Variants in DPF3 observed in about 807,000 individuals in gnomAD.
DPF3 encodes the protein zinc finger protein DPF3.
DPF3 carries 18 observed loss-of-function variants against 56.8 expected under a neutral mutation model. That is an observed-to-expected ratio of 0.32 (90% CI 0.22 to 0.47). The LOEUF is 0.47. Among genes scored for constraint, DPF3 ranks in the 20% least tolerant of loss-of-function variants. DPF3 has a pLI of 1.00. For synonymous variants in DPF3, 188 were observed against 180.2 expected (o/e 1.04, Z -0.35); for missense variants, 403 against 488.8 (o/e 0.82, Z 1.65).
intron 8 of DPF3, chr14:72,671,077 G>A (rs749195540): frequency 1.6e-4 from 252 of 1,590,910 alleles, no homozygotes; most frequent in Non-Finnish European, 2.0e-4. Flanking sequence ...ATCAGAACCA[G>A]CACAATGACC....
At chr14:72,661,623 G>A (rs535965663) in intron 8 of DPF3, 50 of 985,354 alleles carry the variant, frequency 5.1e-5, no homozygotes, top group Non-Finnish European at 5.1e-5. Context: ...GCCCACTTCC[G>A]CCAGCTCAGC....
intron 1 of DPF3, among the ~76,000 whole-genome samples, chr14:72,890,283 G>A (rs1003417504): frequency 2.0e-5 from 3 of 152,064 alleles, no homozygotes; most frequent in African/African-American, 4.8e-5. Flanking sequence ...TTGAGGCCAC[G>A]AGTTTGAGAC....
intron 8 of DPF3, among the ~76,000 whole-genome samples, chr14:72,648,729 C>T (rs926502983): frequency 1.3e-5 from 2 of 152,122 alleles, no homozygotes; most frequent in Non-Finnish European, 2.9e-5. Flanking sequence ...ATCCCTACCT[C>T]TCACCCTGAG....
chr14:72,702,039 A>T (rs575791715), intron 6 of DPF3, among the ~76,000 whole-genome samples: 12 of 152,312 alleles, frequency 7.9e-5, no homozygotes, highest in African/African-American at 2.9e-4. Context: ...CATTCCACAG[A>T]TGAAGAAACT....
intron 1 of DPF3, among the ~76,000 whole-genome samples, chr14:72,884,860 G>T (rs1304026425): frequency 6.8e-6 from 1 of 146,504 alleles, no homozygotes. Flanking sequence ...ACTTTGGGAG[G>T]CCGAGGCGGG....
At chr14:72,660,525 G>A (rs570363710) in intron 8 of DPF3, among the ~76,000 whole-genome samples, 22 of 152,282 alleles carry the variant, frequency 1.4e-4, no homozygotes, top group African/African-American at 4.6e-4. Context: ...CTACCCCGGG[G>A]GTTCCAGCTG....
chr14:72,636,465 G>A (rs570149673), intron 8 of DPF3, among the ~76,000 whole-genome samples: 8 of 151,682 alleles, frequency 5.3e-5, no homozygotes, highest in South Asian at 2.1e-4. Flanking sequence ...TCCCTCTTCT[G>A]TCTCTCTCTC....
intron 7 of DPF3, among the ~76,000 whole-genome samples, chr14:72,681,230 G>A (rs905456822): frequency 7.2e-5 from 11 of 152,202 alleles, no homozygotes; most frequent in African/African-American, 1.9e-4. Flanking sequence ...TTGAGTGGAC[G>A]GAGAGTCCCC....
Position 72,706,810 on chromosome 14 carries a change from CT to C in DPF3, c.604+7612del, listed in dbSNP as rs367902383. 3.8e-3 allele frequency among the ~76,000 whole-genome samples: 561 copies of C among 149,346 alleles called. 2 individuals are homozygous for C. Among genetic ancestry groups the C allele is most frequent in the Middle Eastern group, 0.028 (8 of 290 alleles). On this transcript the variant is annotated intron_variant, in intron 6 of 10. Coordinates refer to ENST00000556509, the MANE Select transcript of DPF3 (RefSeq NM_001280542.3). ...ATGCAAAGGTATAGCTGGAACAGTG[CT>C]TTTTTTTTTCTTTTTTCTTTTATTA...
Position 72,780,315 on chromosome 14 carries a change from T to C in DPF3, c.33-8422A>G, listed in dbSNP as rs926244680. Among the ~76,000 whole-genome samples the C allele has an allele frequency of 8.5e-5, 13 of 152,314 alleles. No individual in the cohort carries two copies. In the South Asian group the frequency reaches 1.7e-3, roughly 19 times the overall value. On this transcript the variant is annotated intron_variant, in intron 1 of 10. Coordinates refer to ENST00000556509, the MANE Select transcript of DPF3 (RefSeq NM_001280542.3). ...GCTCTCTGGCTTCTCTGAGCTACCT[T>C]ATCTGTCTTACTTTATTTTTGATGG... is the stretch of plus-strand genomic sequence containing the variant.
At chr14:72,732,156 C>G (rs1889683044) in intron 3 of DPF3, among the ~76,000 whole-genome samples, 1 of 152,210 alleles carries the variant, frequency 6.6e-6, no homozygotes, top group Non-Finnish European at 1.5e-5. Context: ...CCAGAGGAAG[C>G]TGAGCCAGAG....
At chr14:72,689,927 A>G (rs1250342746) in intron 7 of DPF3, among the ~76,000 whole-genome samples, 1 of 152,216 alleles carries the variant, frequency 6.6e-6, no homozygotes, top group African/African-American at 2.4e-5. Flanking sequence ...GTCACTAAAA[A>G]GGTGTTTGTG....
At chr14:72,763,886 A>T (rs1891157101) in intron 2 of DPF3, among the ~76,000 whole-genome samples, 1 of 152,270 alleles carries the variant, frequency 6.6e-6, no homozygotes, top group Non-Finnish European at 1.5e-5. Context: ...AAAATTCAAT[A>T]ATAAGCAAAT....
chr14:72,658,103 G>A (rs978449969), intron 8 of DPF3, among the ~76,000 whole-genome samples: 37 of 152,188 alleles, frequency 2.4e-4, no homozygotes, highest in African/African-American at 7.5e-4. Context: ...TAGGGTGACT[G>A]TAGTCAGTGG....
At chr14:72,750,791 CAAAAAAAAAAA>C (rs35754238) in intron 3 of DPF3, among the ~76,000 whole-genome samples, 1 of 65,952 alleles carries the variant, frequency 1.5e-5, no homozygotes, top group African/African-American at 6.7e-5. Flanking sequence ...GAAAGAATCT[CAAAAAAAAAAA>C]AAAAAAAAAA....
intron 2 of DPF3, among the ~76,000 whole-genome samples, chr14:72,771,428 G>T (rs1392783100): frequency 3.3e-5 from 5 of 152,130 alleles, no homozygotes; most frequent in African/African-American, 1.2e-4. Context: ...AAAAGATGAA[G>T]ATTGCTGTCA....
At chr14:72,788,635 C>G (rs891179735) in intron 1 of DPF3, among the ~76,000 whole-genome samples, 1 of 152,108 alleles carries the variant, frequency 6.6e-6, no homozygotes, top group Non-Finnish European at 1.5e-5. Flanking sequence ...ATCCACACTG[C>G]CCTCCCCCTC....
intron 8 of DPF3, among the ~76,000 whole-genome samples, chr14:72,649,990 T>A (rs1227284748): frequency 6.6e-6 from 1 of 152,198 alleles, no homozygotes; most frequent in Non-Finnish European, 1.5e-5. Context: ...GAGCGGCTGA[T>A]GAGCAAACTC....
chr14:72,865,750 T>C (rs764111767), intron 1 of DPF3, among the ~76,000 whole-genome samples: 11 of 152,160 alleles, frequency 7.2e-5, no homozygotes, highest in Non-Finnish European at 1.0e-4. Flanking sequence ...TGCCACTGAA[T>C]TGACATCAGC....
Sources: allele counts gnomAD v4.1 joint callset (sites outside exome capture counted in the v4.1 genomes callset), GRCh38; gene constraint gnomAD v4.1.1; transcripts MANE v1.5; gene names NCBI Gene and HGNC (gene_info 2026-07-23, HGNC 2026-07-21).